NUP98: variants seen among roughly 807,000 people sequenced by gnomAD.
NUP98 encodes nucleoporin 98 and 96 precursor, also known as nuclear pore complex protein Nup98-Nup96.
A neutral mutation model predicts 191.9 loss-of-function variants in NUP98; 26 were observed. That is an observed-to-expected ratio of 0.14 (90% CI 0.10 to 0.19). NUP98 has a LOEUF of 0.19. Among genes scored for constraint, NUP98 ranks in the 10% least tolerant of loss-of-function variants. The pLI is 1.00. For synonymous variants in NUP98, 808 were observed against 778.4 expected, an observed-to-expected ratio of 1.04 and a Z score of -0.63; for missense variants, 1,941 against 2,178.8, an observed-to-expected ratio of 0.89 and a Z score of 2.17.
intron 28 of NUP98, among the ~76,000 whole-genome samples, chr11:3,690,352 C>T (rs370440230): frequency 5.9e-5 from 9 of 152,002 alleles, no homozygotes; most frequent in African/African-American, 1.7e-4. Context: ...CTCTGCCTCC[C>T]GGGTTCACGC....
chr11:3,765,670 G>C (rs186370492), intron 8 of NUP98, among the ~76,000 whole-genome samples: 1 of 151,824 alleles, frequency 6.6e-6, no homozygotes, highest in Non-Finnish European at 1.5e-5. Flanking sequence ...GCACGGTGGC[G>C]CACACCTGTA....
rs887320098 is a variant in NUP98, at chr11:3,760,343, C to T, written c.1174+196G>A. 1.4e-5 allele frequency: 10 copies of T among 704,482 alleles called. No homozygotes were observed. In the South Asian group the frequency reaches 1.9e-4, roughly 14 times the overall value. The allele number at this position is 704,482 out of a possible 1,614,324, so 43.6% of individuals were successfully genotyped here. A position where few individuals can be genotyped will look rare whatever the true frequency, so the allele number is the denominator to read the frequency against. ...TAATTATCTCAAGCCATATCCAGGA[C>T]TTTAAACCTTTCCCTCTGGTACTTC... On this transcript the variant is annotated intron_variant, in intron 10 of 32. Transcript: ENST00000324932.
chr11:3,765,062 GA>G (rs2081292834), intron 8 of NUP98, among the ~76,000 whole-genome samples: 1 of 152,136 alleles, frequency 6.6e-6, no homozygotes, highest in Non-Finnish European at 1.5e-5. Flanking sequence ...TCTTACTACT[GA>G]ATTATAAGAG....
chr11:3,746,441 G>A (rs1283706708), intron 11 of NUP98, among the ~76,000 whole-genome samples: 2 of 151,764 alleles, frequency 1.3e-5, no homozygotes, highest in Non-Finnish European at 2.9e-5. Flanking sequence ...TTTTCTGGTA[G>A]TCTAATACCT....
intron 18 of NUP98, among the ~76,000 whole-genome samples, chr11:3,718,988 C>CG (rs1428437982): frequency 6.6e-6 from 1 of 151,818 alleles, no homozygotes; most frequent in African/African-American, 2.4e-5. Flanking sequence ...GGCATGGTGG[C>CG]GGGCGCCTAC....
At position 3,768,621 on chromosome 11, in the gene NUP98, C is replaced by A. The variant is rs868388603; in HGVS notation, c.908G>T (p.Gly303Val). The A allele has an allele frequency of 6.2e-7, 1 of 1,609,656 alleles. No individual in the cohort carries two copies. Among genetic ancestry groups the A allele is most frequent in the South Asian group, 1.1e-5 (1 of 90,634 alleles). ...TGGCTGTCCTATGGTGCTGGTATTACCAAAGGAAAAGCCAGTGTTCTGGGT... is the reference window on the plus strand; with the variant it reads ...TGGCTGTCCTATGGTGCTGGTATTAACAAAGGAAAAGCCAGTGTTCTGGGT... ...TTTQNTGFSF[G>V]NTSTIGQPST... Residue 303 changes from glycine to valine, a missense_variant, in exon 8 of 33, where the codon GGT becomes GTT. Gly to Val is a moderately radical substitution (Grantham distance 109). Transcript: ENST00000324932.
In NUP98 at chr11:3,699,479, A is replaced by G. The variant is rs138056448; in HGVS notation, c.3743-131T>C. 3.2e-3 allele frequency: 3,022 copies of G among 951,404 alleles called. 8 individuals are homozygous for G. Among genetic ancestry groups the G allele is most frequent in the Non-Finnish European group, 4.2e-3 (2,698 of 642,244 alleles). The allele number at this position is 951,404 out of a possible 1,614,324, so 58.9% of individuals were successfully genotyped here. On this transcript the variant is annotated intron_variant, in intron 24 of 32. Coordinates refer to ENST00000324932, the MANE Select transcript of NUP98 (RefSeq NM_016320.5). Reference sequence around the variant, plus strand: ...TCTCAAACAACCACTCAAGCTGATTACCCTGAATCTGTCTCTACCTCACTC... The same window carrying G: ...TCTCAAACAACCACTCAAGCTGATTGCCCTGAATCTGTCTCTACCTCACTC...
intron 25 of NUP98, among the ~76,000 whole-genome samples, chr11:3,696,372 C>T (rs893073530): frequency 1.1e-4 from 16 of 151,846 alleles, no homozygotes; most frequent in African/African-American, 1.7e-4. Context: ...CGTGGTGGCA[C>T]GTGACTGGAG....
At chr11:3,722,529 CA>C (rs1472111063) in intron 16 of NUP98, among the ~76,000 whole-genome samples, 1 of 151,936 alleles carries the variant, frequency 6.6e-6, no homozygotes, top group Non-Finnish European at 1.5e-5. Context: ...AAGAATACCA[CA>C]AAACACCCAA....
chr11:3,765,338 T>C (rs894027986), intron 8 of NUP98, among the ~76,000 whole-genome samples: 5 of 152,200 alleles, frequency 3.3e-5, no homozygotes, highest in African/African-American at 1.2e-4. Flanking sequence ...GTAGCTGGGA[T>C]GACAAGCATG....
At chr11:3,698,415 G>C (rs940251438) in intron 25 of NUP98, among the ~76,000 whole-genome samples, 4 of 151,840 alleles carry the variant, frequency 2.6e-5, no homozygotes, top group African/African-American at 7.3e-5. Context: ...AATGTTTAAG[G>C]TCCTAAAAAA....
chr11:3,700,044 G>A (rs2078627231), intron 24 of NUP98, among the ~76,000 whole-genome samples: 1 of 152,144 alleles, frequency 6.6e-6, no homozygotes, highest in African/African-American at 2.4e-5. Context: ...GGATATGGAA[G>A]AATGGATAGG....
chr11:3,781,867 T>G (rs2081981269), intron 2 of NUP98, among the ~76,000 whole-genome samples, 175 bp downstream of exon 2: 1 of 152,216 alleles, frequency 6.6e-6, no homozygotes, highest in Non-Finnish European at 1.5e-5. Flanking sequence ...TTAGAATTTA[T>G]TTCTACTTTC....
chr11:3,699,440 T>A (rs2078611464), intron 24 of NUP98, 92 bp from the exon 25 acceptor site: 1 of 1,388,144 alleles, frequency 7.2e-7, no homozygotes, highest in Non-Finnish European at 1.0e-6. Flanking sequence ...TAAAAATACA[T>A]AAATTAATAG....
At chr11:3,699,815 T>C (rs551521325) in intron 24 of NUP98, among the ~76,000 whole-genome samples, 3 of 152,340 alleles carry the variant, frequency 2.0e-5, no homozygotes, top group African/African-American at 7.2e-5. Flanking sequence ...TCAAAACGTG[T>C]GGCATAGGAC....
chr11:3,760,758 A>C, intron 9 of NUP98, 132 bp from the exon 10 acceptor site: 1 of 632,484 alleles, frequency 1.6e-6, no homozygotes, highest in East Asian at 2.8e-5. Flanking sequence ...TAAAAAAGGT[A>C]GAAAAAAGAT....
chr11:3,742,699 CAAAAAAAAAA>C (rs35895691), intron 12 of NUP98, among the ~76,000 whole-genome samples: 2 of 82,890 alleles, frequency 2.4e-5, no homozygotes, highest in African/African-American at 4.5e-5. Context: ...ACTCTGTCTC[CAAAAAAAAAA>C]AAAAAAAAAA....
chr11:3,774,273 G>A (rs1005847043), intron 5 of NUP98, among the ~76,000 whole-genome samples: 17 of 152,084 alleles, frequency 1.1e-4, no homozygotes, highest in African/African-American at 3.1e-4. Context: ...TGAGCCAGGC[G>A]TGGTAGCGTG....
At chr11:3,709,553 T>C (rs2078969269) in intron 20 of NUP98, among the ~76,000 whole-genome samples, 1 of 150,900 alleles carries the variant, frequency 6.6e-6, no homozygotes, top group South Asian at 2.1e-4. Context: ...AATAAATAAA[T>C]AAATTAGCTG....
Sources: gnomAD v4.1 joint callset for allele counts (sites outside exome capture counted in the v4.1 genomes callset) on GRCh38, gnomAD v4.1.1 for gene constraint, MANE v1.5 for transcripts, NCBI Gene and HGNC (gene_info 2026-07-23, HGNC 2026-07-21) for gene names.